ERC2: variants seen among roughly 807,000 people sequenced by gnomAD.
ERC2 encodes ELKS/RAB6-interacting/CAST family member 2, also known as ERC protein 2.
Under a neutral mutation model 114.8 loss-of-function variants are expected in ERC2, and 42 were observed. The ratio of observed to expected loss-of-function variants is 0.37; its 90% confidence interval spans 0.29 to 0.47. ERC2 has a LOEUF of 0.47. ERC2 is among the 20% of genes least tolerant of loss of function. The probability of loss-of-function intolerance (pLI) is 0.99; values close to 1 mark genes in which losing one functional copy is unlikely to be tolerated. For synonymous variants in ERC2, 454 were observed against 425.5 expected, an observed-to-expected ratio of 1.07 and a Z score of -0.82; for missense variants, 939 against 1,150.7, an observed-to-expected ratio of 0.82 and a Z score of 2.66.
At chr3:55,669,463 C>T (rs966909688) in intron 17 of ERC2, among the ~76,000 whole-genome samples, 6 of 152,188 alleles carry the variant, frequency 3.9e-5, no homozygotes, top group Admixed American at 6.5e-5. Flanking sequence ...TATTCTGGCT[C>T]GGCCAAGATA....
chr3:56,112,041 T>C (rs2078988689), intron 6 of ERC2, among the ~76,000 whole-genome samples: 1 of 152,236 alleles, frequency 6.6e-6, no homozygotes, highest in Non-Finnish European at 1.5e-5. Context: ...ATTTGAAACA[T>C]CTTAAAACTA....
chr3:56,055,514 A>G (rs1477551134), intron 7 of ERC2, among the ~76,000 whole-genome samples: 1 of 152,198 alleles, frequency 6.6e-6, no homozygotes, highest in African/African-American at 2.4e-5. Context: ...TGGTTCTGAT[A>G]TACAACCTTA....
At chr3:55,568,728 C>T (rs545501166) in intron 17 of ERC2, among the ~76,000 whole-genome samples, 28 of 152,312 alleles carry the variant, frequency 1.8e-4, no homozygotes, top group African/African-American at 5.8e-4. Context: ...CCAGAGAAAT[C>T]CCATTCAGAT....
chr3:55,723,009 T>C (rs1495358), intron 15 of ERC2, among the ~76,000 whole-genome samples: 82,912 of 152,054 alleles, frequency 0.55, 23,010 homozygotes, highest in South Asian at 0.69. Context: ...AATAAAAGAC[T>C]TATGTACTAA....
intron 14 of ERC2, among the ~76,000 whole-genome samples, chr3:55,837,719 G>A (rs192874379): frequency 1.2e-3 from 183 of 151,914 alleles, no homozygotes; most frequent in African/African-American, 4.1e-3. Context: ...AAGCCTGCAC[G>A]TTGTGCACAT....
chr3:55,724,241 C>T (rs981824892), intron 15 of ERC2, among the ~76,000 whole-genome samples: 6 of 152,178 alleles, frequency 3.9e-5, no homozygotes, highest in African/African-American at 9.7e-5. Flanking sequence ...AGAGATAAGT[C>T]GCCCTTCCCA....
intron 17 of ERC2, among the ~76,000 whole-genome samples, chr3:55,581,478 GA>G (rs2107562575): frequency 6.6e-6 from 1 of 152,252 alleles, no homozygotes; most frequent in East Asian, 1.9e-4. Flanking sequence ...GATGTGTAGG[GA>G]GAAGTCTGCA....
intron 2 of ERC2, among the ~76,000 whole-genome samples, chr3:56,424,193 C>T (rs2061485439): frequency 6.6e-6 from 1 of 152,174 alleles, no homozygotes; most frequent in Non-Finnish European, 1.5e-5. Flanking sequence ...CTCCTCCTGC[C>T]TTTCCCTCTT....
At chr3:55,963,011 C>A (rs1259291330) in intron 12 of ERC2, among the ~76,000 whole-genome samples, 1 of 152,186 alleles carries the variant, frequency 6.6e-6, no homozygotes, top group African/African-American at 2.4e-5. Context: ...TATTAGAGAA[C>A]TAGATACAGA....
chr3:56,216,307 G>T (rs1343776555), intron 3 of ERC2, among the ~76,000 whole-genome samples: 1 of 151,912 alleles, frequency 6.6e-6, no homozygotes, highest in African/African-American at 2.4e-5. Context: ...ATGATAAAGG[G>T]GATATCACCA....
At chr3:56,025,230 C>T (rs1447708323) in intron 7 of ERC2, among the ~76,000 whole-genome samples, 3 of 152,148 alleles carry the variant, frequency 2.0e-5, no homozygotes, top group Non-Finnish European at 4.4e-5. Flanking sequence ...CAGGGCCTAC[C>T]AAACCATGGA....
At chr3:55,720,163 C>G (rs2064408615) in intron 15 of ERC2, among the ~76,000 whole-genome samples, 1 of 814 alleles carries the variant, frequency 1.2e-3, no homozygotes, top group Non-Finnish European at 2.6e-3. Flanking sequence ...TCTTCTTCTT[C>G]TTCTTCTTCT....
At chr3:55,809,549 C>T (rs1167308424) in intron 14 of ERC2, among the ~76,000 whole-genome samples, 1 of 152,106 alleles carries the variant, frequency 6.6e-6, no homozygotes, top group Non-Finnish European at 1.5e-5. Flanking sequence ...GGAACTCAAA[C>T]AACTCAATAG....
chr3:56,150,434 T>G (rs188483346), intron 4 of ERC2, among the ~76,000 whole-genome samples: 29 of 152,322 alleles, frequency 1.9e-4, no homozygotes, highest in Non-Finnish European at 1.6e-4. Context: ...AGTAAATTTA[T>G]GCAACTCTAT....
chr3:55,612,903 T>C (rs1470285708), intron 17 of ERC2: 2 of 152,196 alleles, frequency 1.3e-5, no homozygotes, highest in Non-Finnish European at 2.9e-5. Context: ...GAAAGCTCTT[T>C]CTACATCTGC....
intron 12 of ERC2, chr3:55,955,065 T>C: frequency 6.5e-6 from 3 of 461,980 alleles, no homozygotes; most frequent in Non-Finnish European, 8.7e-6. Flanking sequence ...AAATAATACA[T>C]ATAGTCTGAT....
At chr3:55,904,446 C>G (rs887224217) in intron 13 of ERC2, among the ~76,000 whole-genome samples, 7 of 152,072 alleles carry the variant, frequency 4.6e-5, no homozygotes, top group African/African-American at 1.7e-4. Context: ...ATCTGAATAC[C>G]AAATAGTAAG....
chr3:55,723,204 TTTA>T (rs1255384828), intron 15 of ERC2, among the ~76,000 whole-genome samples: 2 of 152,198 alleles, frequency 1.3e-5, no homozygotes, highest in African/African-American at 4.8e-5. Context: ...CTAAACAAAC[TTTA>T]TTATGTAGTA....
intron 12 of ERC2, among the ~76,000 whole-genome samples, chr3:55,983,118 G>C (rs1576450702): frequency 6.6e-6 from 1 of 152,180 alleles, no homozygotes; most frequent in African/African-American, 2.4e-5. Flanking sequence ...TCTTCTCCAA[G>C]AGGGGACACT....
Sources: allele counts gnomAD v4.1 joint callset (sites outside exome capture counted in the v4.1 genomes callset), GRCh38; gene constraint gnomAD v4.1.1; transcripts MANE v1.5; gene names NCBI Gene and HGNC (gene_info 2026-07-23, HGNC 2026-07-21).